Variants in FSTL4 observed in about 807,000 individuals in gnomAD.
FSTL4 encodes the protein follistatin-related protein 4.
FSTL4 carries 28 observed loss-of-function variants against 78.2 expected under a neutral mutation model. That is an observed-to-expected ratio of 0.36 (90% CI 0.27 to 0.49). The LOEUF is 0.49. Ranked by LOEUF, FSTL4 falls within the 20% of genes least tolerant of loss-of-function variation. The pLI is 0.98. For missense variants in FSTL4, 922 were observed against 1,084.9 expected, an observed-to-expected ratio of 0.85 and a Z score of 2.11; for synonymous variants, 422 against 440.5, an observed-to-expected ratio of 0.96 and a Z score of 0.53.
chr5:133,308,708 T>C (rs1477814727), intron 6 of FSTL4, among the ~76,000 whole-genome samples: 2 of 152,210 alleles, frequency 1.3e-5, no homozygotes, highest in Admixed American at 6.5e-5. Context: ...ATCTGTTTCA[T>C]AGAGTTGCCC....
At chr5:133,352,345 C>CAT (rs564263500) in intron 4 of FSTL4, among the ~76,000 whole-genome samples, 23,241 of 142,998 alleles carry the variant, frequency 0.16, 2,197 homozygotes, top group East Asian at 0.37. Flanking sequence ...TATATATACA[C>CAT]ATATATATAC....
chr5:133,217,298 G>A lies in FSTL4; in HGVS notation c.1539C>T (p.Tyr513=), dbSNP rs373253231. The change falls in exon 13 of 16, where the codon TAC becomes TAT. Residue 513 remains tyrosine (Y), a synonymous_variant. Coordinates refer to ENST00000265342, the MANE Select transcript of FSTL4 (RefSeq NM_015082.2). ...WVSAVNVRNR[Y]IYVAQPALSR... Reference sequence around the variant, plus strand: ...TCAGTGCTGGCTGGGCCACATAGATGTACCGGTTCCGGACATTGACTGCAG... The same window carrying A: ...TCAGTGCTGGCTGGGCCACATAGATATACCGGTTCCGGACATTGACTGCAG... 25 of 1,613,962 alleles carry A rather than the reference G, an allele frequency of 1.5e-5. No individual in the cohort carries two copies. The African/African-American group carries it at 3.1e-4, about 20-fold the overall frequency.
rs1751222202 is a variant in FSTL4 at position 133,223,490 on chromosome 5, CA to C, written c.1339+699del. Among the ~76,000 whole-genome samples the C allele has an allele frequency of 3.3e-5, 5 of 152,190 alleles. No individual in the cohort carries two copies. In the South Asian group the frequency reaches 1.0e-3, roughly 32 times the overall value. On this transcript the variant is annotated intron_variant, in intron 11 of 15. Coordinates refer to ENST00000265342, the MANE Select transcript of FSTL4 (RefSeq NM_015082.2). ...CACTGAGCTGGAGAATGAGTTGCCA[CA>C]AGGGGATTTGGACTCAGATCTGGTT...
At chr5:133,721,565 C>G in the FSTL4 span, among the ~76,000 whole-genome samples, 1 of 152,172 alleles carries the variant, frequency 6.6e-6, no homozygotes, top group Non-Finnish European at 1.5e-5. Context: ...TCTTGACTGA[C>G]AGTCTTTTTT....
chr5:133,558,346 G>T (rs534774562), intron 3 of FSTL4, among the ~76,000 whole-genome samples: 1 of 152,334 alleles, frequency 6.6e-6, no homozygotes, highest in Admixed American at 6.5e-5. Flanking sequence ...CCATTGAGGG[G>T]CAGAGAATGG....
intron 6 of FSTL4, among the ~76,000 whole-genome samples, chr5:133,299,557 C>T (rs1753484016): frequency 2.0e-5 from 3 of 152,182 alleles, no homozygotes. Context: ...GGAGAGCTGA[C>T]TCTGGGTCTG....
At chr5:133,520,745 A>G (rs1758963242) in intron 3 of FSTL4, among the ~76,000 whole-genome samples, 1 of 152,098 alleles carries the variant, frequency 6.6e-6, no homozygotes, top group African/African-American at 2.4e-5. Flanking sequence ...TTCTGCATAC[A>G]TATATTTCTC....
At chr5:133,492,339 T>C (rs949272137) in intron 3 of FSTL4, among the ~76,000 whole-genome samples, 3 of 152,200 alleles carry the variant, frequency 2.0e-5, no homozygotes, top group South Asian at 2.1e-4. Context: ...TAGCAATTAT[T>C]GTATTACATT....
At chr5:133,710,968 T>C in the FSTL4 span, among the ~76,000 whole-genome samples, 1 of 152,198 alleles carries the variant, frequency 6.6e-6, no homozygotes, top group Non-Finnish European at 1.5e-5. Flanking sequence ...AATGAGCAAC[T>C]GAACAGGGGA....
At chr5:133,250,313 AT>A (rs1178987082) in intron 6 of FSTL4, among the ~76,000 whole-genome samples, 2 of 152,220 alleles carry the variant, frequency 1.3e-5, no homozygotes, top group Non-Finnish European at 2.9e-5. Context: ...TTATGAAAAA[AT>A]TAATCAAACT....
intron 6 of FSTL4, among the ~76,000 whole-genome samples, chr5:133,255,187 G>A (rs562388819): frequency 6.6e-6 from 1 of 152,306 alleles, no homozygotes; most frequent in African/African-American, 2.4e-5. Context: ...TCAGCCAGAC[G>A]CTGTGTCTGG....
intron 3 of FSTL4, among the ~76,000 whole-genome samples, chr5:133,413,400 T>G (rs1055715028): frequency 6.6e-6 from 1 of 152,194 alleles, no homozygotes; most frequent in Non-Finnish European, 1.5e-5. Flanking sequence ...CTGGCTTTGT[T>G]GAGATGTTAC....
chr5:133,733,808 T>G, the FSTL4 span, among the ~76,000 whole-genome samples: 1 of 152,216 alleles, frequency 6.6e-6, no homozygotes, highest in Non-Finnish European at 1.5e-5. Context: ...CTCATGAGGT[T>G]GCAGTCAAGA....
the FSTL4 span, among the ~76,000 whole-genome samples, chr5:133,623,397 G>A: frequency 6.6e-6 from 1 of 152,016 alleles, no homozygotes; most frequent in Non-Finnish European, 1.5e-5. Flanking sequence ...ATACAATGGA[G>A]AAAGAACTAT....
the FSTL4 span, among the ~76,000 whole-genome samples, chr5:133,641,892 C>T: frequency 3.3e-5 from 5 of 150,962 alleles, no homozygotes; most frequent in Admixed American, 2.7e-4. Context: ...CTTCTTCCCC[C>T]CTCCTCTTCT....
the FSTL4 span, among the ~76,000 whole-genome samples, chr5:133,735,281 G>A: frequency 5.3e-5 from 8 of 152,268 alleles, no homozygotes; most frequent in South Asian, 2.1e-4. Flanking sequence ...TGGCCAACAC[G>A]GAGAAACCCC....
chr5:133,308,417 G>A (rs1004088597), intron 6 of FSTL4, among the ~76,000 whole-genome samples: 1 of 152,204 alleles, frequency 6.6e-6, no homozygotes, highest in Non-Finnish European at 1.5e-5. Flanking sequence ...GAACAAAGCA[G>A]TATCCTTGCC....
At chr5:133,568,244 T>A (rs977694941) in intron 2 of FSTL4, among the ~76,000 whole-genome samples, 1 of 152,174 alleles carries the variant, frequency 6.6e-6, no homozygotes, top group Non-Finnish European at 1.5e-5. Context: ...ATAAACGACA[T>A]GTTTTGGATA....
the FSTL4 span, among the ~76,000 whole-genome samples, chr5:133,788,505 G>T: frequency 6.6e-6 from 1 of 152,146 alleles, no homozygotes; most frequent in Non-Finnish European, 1.5e-5. Context: ...AACTGGCCAC[G>T]GCCCTGATGG....
Sources: allele counts gnomAD v4.1 joint callset (sites outside exome capture counted in the v4.1 genomes callset), GRCh38; gene constraint gnomAD v4.1.1; transcripts MANE v1.5; gene names NCBI Gene and HGNC (gene_info 2026-07-23, HGNC 2026-07-21).